Variants in PTPN3 observed in about 807,000 individuals in gnomAD.
PTPN3 encodes protein tyrosine phosphatase non-receptor type 3, also known as tyrosine-protein phosphatase non-receptor type 3.
PTPN3 carries 96 observed loss-of-function variants against 132.7 expected under a neutral mutation model. That is an observed-to-expected ratio of 0.72 (90% CI 0.61 to 0.86). The LOEUF is 0.86. PTPN3 is among the 40% of genes least tolerant of loss of function. PTPN3 has a pLI of 0.00. For synonymous variants in PTPN3, 398 were observed against 429.0 expected, an observed-to-expected ratio of 0.93 and a Z score of 0.89; for missense variants, 1,125 against 1,159.6, an observed-to-expected ratio of 0.97 and a Z score of 0.43.
At chr9:109,493,055 T>A (rs1014118668) in intron 1 of PTPN3, among the ~76,000 whole-genome samples, 1 of 152,258 alleles carries the variant, frequency 6.6e-6, no homozygotes, top group Admixed American at 6.5e-5. Context: ...TCTGTTTTTA[T>A]ATTTTATTTG....
Position 109,408,311 on chromosome 9 carries a change from A to G in PTPN3, c.1635+10T>C, listed in dbSNP as rs760913180. The G allele has an allele frequency of 1.9e-6, 3 of 1,550,778 alleles. No individual in the cohort carries two copies. The highest frequency in any genetic ancestry group is 2.6e-6 in the Non-Finnish European group (3 of 1,138,662). On this transcript the variant is annotated intron_variant, in intron 17 of 25. Coordinates refer to ENST00000374541, the MANE Select transcript of PTPN3 (RefSeq NM_002829.4). ...AAACACGAGGAATAACATGGAATGT[A>G]TTTACTTACAGGTGACTCTGGGTTT... is the stretch of plus-strand genomic sequence containing the variant.
intron 17 of PTPN3, among the ~76,000 whole-genome samples, chr9:109,407,114 GTAACAAAAGTTAAA>G (rs1463299432): frequency 6.6e-6 from 1 of 152,208 alleles, no homozygotes; most frequent in Non-Finnish European, 1.5e-5. Flanking sequence ...ACTGTAAACA[GTAACAAAAGTTAAA>G]TGACAAGAGC....
chr9:109,498,579 G>T (rs1847796367), upstream of PTPN3, among the ~76,000 whole-genome samples: 1 of 152,172 alleles, frequency 6.6e-6, no homozygotes, highest in Non-Finnish European at 1.5e-5. The surrounding 1 kb of genome is among the most constrained non-coding windows in gnomAD (Gnocchi z 4.2). Context: ...GTGATTTCAT[G>T]CCTAGGGAAG....
At chr9:109,431,027 A>G (rs1843626056) in intron 10 of PTPN3, among the ~76,000 whole-genome samples, 1 of 152,180 alleles carries the variant, frequency 6.6e-6, no homozygotes, top group South Asian at 2.1e-4. Flanking sequence ...GCACTTGCCC[A>G]TGCACCTCCC....
At chr9:109,438,035 T>C in intron 8 of PTPN3, 79 bp downstream of exon 8, 1 of 1,448,240 alleles carries the variant, frequency 6.9e-7, no homozygotes, top group Non-Finnish European at 9.3e-7. Flanking sequence ...AGAAAGAGGC[T>C]GCATCAAACA....
chr9:109,407,730 A>G (rs1259823382), intron 17 of PTPN3, among the ~76,000 whole-genome samples: 1 of 152,100 alleles, frequency 6.6e-6, no homozygotes, highest in East Asian at 1.9e-4. Context: ...TTTTTTGTAG[A>G]GATGGGTTTC....
chr9:109,428,503 TG>T, intron 11 of PTPN3, 117 bp downstream of exon 11: 1 of 1,018,248 alleles, frequency 9.8e-7, no homozygotes, highest in Non-Finnish European at 1.4e-6. Context: ...CCCAGCTACT[TG>T]GGAGGCTGAG....
chr9:109,420,683 C>A, intron 13 of PTPN3, 83 bp from the exon 14 acceptor site: 1 of 1,389,380 alleles, frequency 7.2e-7, no homozygotes, highest in Non-Finnish European at 9.7e-7. Context: ...AACCTCGTGT[C>A]CTGACCTTTC....
chr9:109,410,465 T>C (rs751028658), intron 14 of PTPN3, 50 bp from the exon 15 acceptor site: 3 of 1,575,986 alleles, frequency 1.9e-6, no homozygotes, highest in South Asian at 1.1e-5. Flanking sequence ...AATATTTTAT[T>C]AGAGCAAACA....
At chr9:109,388,471 ACCCT>A (rs1024731747) in intron 22 of PTPN3, among the ~76,000 whole-genome samples, 2 of 152,114 alleles carry the variant, frequency 1.3e-5, no homozygotes, top group Non-Finnish European at 2.9e-5. Context: ...TGGGAAACAA[ACCCT>A]CCAGGTCACA....
intron 1 of PTPN3, among the ~76,000 whole-genome samples, chr9:109,490,968 C>A (rs1439573693): frequency 2.6e-5 from 4 of 151,182 alleles, no homozygotes; most frequent in Admixed American, 6.6e-5. Flanking sequence ...GAGGCTGAGA[C>A]AGGCAGATCA....
At chr9:109,457,096 C>A in intron 4 of PTPN3, 77 bp downstream of exon 4, 1 of 1,474,056 alleles carries the variant, frequency 6.8e-7, no homozygotes, top group Non-Finnish European at 9.5e-7. Context: ...GTCACAGGCA[C>A]TGACGATTGG....
Position 109,427,062 on chromosome 9 carries a change from A to G in PTPN3, c.889T>C (p.Leu297=), listed in dbSNP as rs771119485. 28 of 1,614,128 alleles carry G rather than the reference A, an allele frequency of 1.7e-5. No homozygotes were observed. Among genetic ancestry groups the G allele is most frequent in the Non-Finnish European group, 2.3e-5 (27 of 1,179,970 alleles). Residue 297 remains leucine, a synonymous_variant, in exon 12 of 26, where the codon TTG becomes CTG. Transcript: ENST00000374541. ...TGGTGCTCAACACAGGATTTCCACA[A>G]GTTTTTGCAAGATCGGTAATTCAGC... The part of the protein sequence containing the change: ...NMLNYRSCKN[L]WKSCVEHHTF...
intron 19 of PTPN3, among the ~76,000 whole-genome samples, chr9:109,391,869 G>T (rs969281205): frequency 5.2e-5 from 3 of 58,240 alleles, no homozygotes; most frequent in South Asian, 7.1e-4. Context: ...GCAACTAGAT[G>T]TGGGGGGGGG....
intron 11 of PTPN3, 30 bp downstream of exon 11, chr9:109,428,591 A>C (rs1208464187): frequency 6.2e-7 from 1 of 1,608,082 alleles, no homozygotes; most frequent in Non-Finnish European, 8.5e-7. Flanking sequence ...ATATGCACGA[A>C]ACAAAGCAAG....
the PTPN3 span, chr9:109,534,296 C>T: frequency 6.5e-7 from 1 of 1,532,018 alleles, no homozygotes; most frequent in Non-Finnish European, 8.7e-7. Flanking sequence ...GAGCGGCAAG[C>T]GGCGGGCGGC....
chr9:109,528,605 G>T, the PTPN3 span, among the ~76,000 whole-genome samples: 12 of 152,276 alleles, frequency 7.9e-5, no homozygotes, highest in African/African-American at 2.9e-4. Context: ...GGGAGGGCTG[G>T]ATATATTCTT....
intron 14 of PTPN3, among the ~76,000 whole-genome samples, chr9:109,419,604 T>C (rs1842753662): frequency 6.6e-6 from 1 of 152,008 alleles, no homozygotes; most frequent in Non-Finnish European, 1.5e-5. Context: ...TATGTAACTA[T>C]GAATCCATTA....
chr9:109,400,247 G>A (rs996018163), intron 19 of PTPN3, among the ~76,000 whole-genome samples: 2 of 152,184 alleles, frequency 1.3e-5, no homozygotes, highest in South Asian at 2.1e-4. Context: ...CTCTTAGGCA[G>A]ACATTGGGCA....
Sources: gnomAD v4.1 joint callset for allele counts (sites outside exome capture counted in the v4.1 genomes callset) on GRCh38, gnomAD v4.1.1 for gene constraint, Gnocchi (gnomAD v3.1) non-coding constraint, MANE v1.5 for transcripts, NCBI Gene and HGNC (gene_info 2026-07-23, HGNC 2026-07-21) for gene names.